Variants in GYPB observed in about 807,000 individuals in gnomAD.
The protein encoded by GYPB is glycophorin-B.
A neutral mutation model predicts 15.3 loss-of-function variants in GYPB; 13 were observed. The observed-to-expected ratio is 0.85, with a 90% CI of 0.55 to 1.35. The LOEUF is 1.35. GYPB is among the 40% of genes most tolerant of loss of function. The pLI is 0.00. For missense variants in GYPB, 131 were observed against 108.3 expected (o/e 1.21, Z -0.93); for synonymous variants, 38 against 36.9 (o/e 1.03, Z -0.11).
chr4:144,019,114 C>T, intron 1 of GYPB, 137 bp downstream of exon 1: 5 of 1,388,658 alleles, frequency 3.6e-6, no homozygotes, highest in Non-Finnish European at 4.8e-6. Flanking sequence ...CCAGTAAAAT[C>T]CATCCACCAG....
chr4:144,008,809 C>A (rs1246837396), intron 1 of GYPB, among the ~76,000 whole-genome samples: 1 of 151,436 alleles, frequency 6.6e-6, no homozygotes, highest in Non-Finnish European at 1.5e-5. Flanking sequence ...TTGTTCTCAT[C>A]CTTGACTGCA....
intron 1 of GYPB, chr4:144,008,506 G>C (rs1728044620): frequency 2.2e-6 from 1 of 455,172 alleles, no homozygotes; most frequent in East Asian, 6.9e-5. Context: ...TTAACAGTCT[G>C]TTAAGTTGAA....
At chr4:144,016,495 C>A (rs1728509230) in intron 1 of GYPB, among the ~76,000 whole-genome samples, 1 of 150,514 alleles carries the variant, frequency 6.6e-6, no homozygotes, top group Non-Finnish European at 1.5e-5. Flanking sequence ...GCTTATTCAA[C>A]CAATATGCTA....
chr4:143,998,931 G>T (rs1727463354), intron 3 of GYPB, among the ~76,000 whole-genome samples: 1 of 150,038 alleles, frequency 6.7e-6, no homozygotes, highest in Non-Finnish European at 1.5e-5. Context: ...TTTGAGACAG[G>T]GTCTTACCAA....
At chr4:143,995,372 G>C (rs767361757), downstream of GYPB, among the ~76,000 whole-genome samples, 1 of 151,374 alleles carries the variant, frequency 6.6e-6, no homozygotes, top group African/African-American at 2.5e-5. Context: ...ACCATGGCCT[G>C]CTCTACGTCC....
intron 1 of GYPB, among the ~76,000 whole-genome samples, chr4:144,002,013 G>C (rs1454589937): frequency 3.0e-5 from 4 of 134,604 alleles, no homozygotes; most frequent in Middle Eastern, 4.2e-3. Context: ...CAGGAAATCA[G>C]AATGTAGATT....
At chr4:144,001,806 A>G (rs1013088663) in intron 1 of GYPB, among the ~76,000 whole-genome samples, 1 of 150,994 alleles carries the variant, frequency 6.6e-6, no homozygotes, top group South Asian at 2.1e-4. Flanking sequence ...TCTGTCCCAT[A>G]TCTCAGTGTC....
chr4:144,010,726 C>T (rs77238696), intron 1 of GYPB, among the ~76,000 whole-genome samples: 2,051 of 146,378 alleles, frequency 0.014, 149 homozygotes, highest in African/African-American at 0.049. Flanking sequence ...ACTCACGGCC[C>T]GCACAAGCCA....
At chr4:144,001,556 A>T (rs1727628144) in intron 1 of GYPB, among the ~76,000 whole-genome samples, 1 of 151,304 alleles carries the variant, frequency 6.6e-6, no homozygotes, top group African/African-American at 2.5e-5. Context: ...TCTGTACAAT[A>T]GTAATACTTG....
chr4:144,019,314 G>A lies in GYPB; in HGVS notation c.-27C>T. On this transcript the variant is annotated 5_prime_UTR_variant, in exon 1 of 5. Transcript: ENST00000502664. The stretch of plus-strand genomic sequence containing the variant: ...CTGAGATCATGAGCTGGTTCCTGAA[G>A]TTAGTGCAAAAAAACTACCAAAGAC... The A allele has an allele frequency of 6.2e-7, 1 of 1,611,776 alleles. No individual in the cohort carries two copies.
chr4:143,997,640 G>C lies in GYPB; in HGVS notation c.176-6C>G. On this transcript the variant is annotated splice_region_variant and splice_polypyrimidine_tract_variant and intron_variant, in intron 3 of 4. Coordinates refer to ENST00000502664, the MANE Select transcript of GYPB (RefSeq NM_002100.6). Reference sequence around the variant, plus strand: ...GAGTATTATCACTACAGGAGCTAAAGAGAGCAGCAAAATTATGAAAGTCTG... The same window carrying C: ...GAGTATTATCACTACAGGAGCTAAACAGAGCAGCAAAATTATGAAAGTCTG... 7.0e-7 allele frequency: 1 copy of C among 1,427,430 alleles called. No homozygotes were observed. Among genetic ancestry groups the C allele is most frequent in the Non-Finnish European group, 9.9e-7 (1 of 1,012,582 alleles). The allele number at this position is 1,427,430 out of a possible 1,614,324, so 88.4% of individuals were successfully genotyped here. A position where few individuals can be genotyped will look rare whatever the true frequency, so the allele number is the denominator to read the frequency against.
intron 1 of GYPB, among the ~76,000 whole-genome samples, 161 bp downstream of exon 1, chr4:144,019,090 T>C (rs1286818181): frequency 1.3e-5 from 2 of 151,324 alleles, no homozygotes; most frequent in African/African-American, 4.9e-5. Flanking sequence ...TTCCCCCACA[T>C]TGGTAGCTGA....
At chr4:143,997,374 A>AAAG in intron 4 of GYPB, 166 bp downstream of exon 4, 1 of 522,766 alleles carries the variant, frequency 1.9e-6, no homozygotes, top group South Asian at 2.3e-5. Flanking sequence ...AATGCAAAAA[A>AAAG]AAAATTCTGC....
chr4:144,017,377 C>T (rs1046846849), intron 1 of GYPB, among the ~76,000 whole-genome samples: 2 of 150,118 alleles, frequency 1.3e-5, no homozygotes, highest in Non-Finnish European at 2.9e-5. Flanking sequence ...AAAAAGACTT[C>T]ACCATGTTTA....
chr4:144,015,177 A>G (rs1728426135), intron 1 of GYPB, among the ~76,000 whole-genome samples: 1 of 151,540 alleles, frequency 6.6e-6, no homozygotes, highest in Non-Finnish European at 1.5e-5. Context: ...TGTCCTGATT[A>G]TATTATATGG....
At chr4:144,013,578 A>C (rs1728328813) in intron 1 of GYPB, among the ~76,000 whole-genome samples, 1 of 151,358 alleles carries the variant, frequency 6.6e-6, no homozygotes, top group Admixed American at 6.6e-5. Context: ...ACCATGGAAT[A>C]CTATGCAGCC....
intron 1 of GYPB, among the ~76,000 whole-genome samples, chr4:144,002,070 T>C (rs1187150581): frequency 2.0e-5 from 3 of 151,076 alleles, no homozygotes; most frequent in Non-Finnish European, 4.4e-5. Context: ...TGAATTATTT[T>C]TGTAATTAAA....
chr4:143,997,016 C>T (rs1727355751), intron 4 of GYPB, among the ~76,000 whole-genome samples: 1 of 150,854 alleles, frequency 6.6e-6, no homozygotes, highest in Non-Finnish European at 1.5e-5. Flanking sequence ...AAGCAATCCT[C>T]CCACTTCAGC....
chr4:144,010,667 T>C (rs1728166791), intron 1 of GYPB, among the ~76,000 whole-genome samples: 1 of 151,326 alleles, frequency 6.6e-6, no homozygotes, highest in Admixed American at 6.6e-5. Context: ...TTATACCCTA[T>C]CTGAATACCT....
Sources: gnomAD v4.1 joint callset for allele counts (sites outside exome capture counted in the v4.1 genomes callset) on GRCh38, gnomAD v4.1.1 for gene constraint, MANE v1.5 for transcripts, NCBI Gene and HGNC (gene_info 2026-07-23, HGNC 2026-07-21) for gene names.